The following SLC39A11 variants were observed in gnomAD, a reference collection of about 807,000 sequenced individuals.
SLC39A11 encodes the protein solute carrier family 39 member 11, also known as zinc transporter ZIP11.
Under a neutral mutation model 36.1 loss-of-function variants are expected in SLC39A11, and 33 were observed. That is an observed-to-expected ratio of 0.91 (90% CI 0.69 to 1.22). The LOEUF (loss-of-function observed/expected upper bound fraction) is 1.22. SLC39A11 is among the 50% of genes most tolerant of loss of function. The pLI is 0.00. For missense variants in SLC39A11, 432 were observed against 430.3 expected (o/e 1.00, Z -0.03); for synonymous variants, 166 against 170.3 (o/e 0.97, Z 0.20).
At chr17:72,910,346 G>A (rs1299476393) in intron 5 of SLC39A11, among the ~76,000 whole-genome samples, 4 of 152,170 alleles carry the variant, frequency 2.6e-5, no homozygotes, top group Admixed American at 1.3e-4. Flanking sequence ...AAAAGAAACC[G>A]GGTGCGGTGG....
rs143394711 is a variant in SLC39A11 at position 72,713,506 on chromosome 17, T to C, written c.671+23144A>G. ...ATTAGTGACTGCCAGGTCAACAGAG[T>C]GAAACCCGAAGGGTTCTCATACATT... On this transcript the variant is annotated intron_variant, in intron 7 of 9. Coordinates refer to ENST00000255559, the MANE Select transcript of SLC39A11 (RefSeq NM_139177.4). Among the ~76,000 whole-genome samples the C allele has an allele frequency of 4.9e-3, 749 of 152,256 alleles. 6 individuals carry two copies. Among genetic ancestry groups the C allele is most frequent in the African/African-American group, 0.017 (705 of 41,560 alleles).
chr17:72,803,110 G>C (rs997157147), intron 6 of SLC39A11, among the ~76,000 whole-genome samples: 1 of 152,236 alleles, frequency 6.6e-6, no homozygotes, highest in South Asian at 2.1e-4. Context: ...CCAAATAGAA[G>C]ATTAAATCTC....
chr17:73,077,253 T>G (rs1345130187), intron 3 of SLC39A11, among the ~76,000 whole-genome samples: 3 of 152,202 alleles, frequency 2.0e-5, no homozygotes, highest in Admixed American at 1.3e-4. Context: ...GTTCTGACAT[T>G]CCCTATGCAT....
chr17:72,748,762 T>G (rs10775361), intron 6 of SLC39A11, among the ~76,000 whole-genome samples: 147,437 of 152,332 alleles, frequency 0.97, 71,713 homozygotes, highest in African/African-American at 0.99. Context: ...ATACTGGCAT[T>G]GAAGATTCCG....
chr17:72,994,380 T>C (rs2089372411), intron 4 of SLC39A11, among the ~76,000 whole-genome samples: 1 of 152,122 alleles, frequency 6.6e-6, no homozygotes, highest in Non-Finnish European at 1.5e-5. Context: ...TCATGTTGTT[T>C]AGGGATGTAC....
chr17:72,906,837 G>A (rs2082679068), intron 5 of SLC39A11, among the ~76,000 whole-genome samples: 1 of 152,176 alleles, frequency 6.6e-6, no homozygotes, highest in African/African-American at 2.4e-5. Flanking sequence ...ACACTCACCT[G>A]GAAACCTGCC....
chr17:72,977,994 C>T (rs1230972850), intron 4 of SLC39A11, among the ~76,000 whole-genome samples: 1 of 152,188 alleles, frequency 6.6e-6, no homozygotes, highest in Non-Finnish European at 1.5e-5. Context: ...CAGAGAAAAA[C>T]CAGCAAAATG....
intron 5 of SLC39A11, among the ~76,000 whole-genome samples, chr17:72,894,498 CTA>C (rs2081932000): frequency 1.0e-5 from 1 of 98,362 alleles, no homozygotes; most frequent in African/African-American, 4.3e-5. Context: ...CTCATCCCTA[CTA>C]AAAAAAAAAA....
intron 6 of SLC39A11, among the ~76,000 whole-genome samples, chr17:72,829,770 C>T (rs1185225900): frequency 6.6e-6 from 1 of 152,134 alleles, no homozygotes; most frequent in Non-Finnish European, 1.5e-5. Context: ...CACACCCCTA[C>T]CCAGTTAATG....
intron 7 of SLC39A11, among the ~76,000 whole-genome samples, chr17:72,708,014 TG>T: frequency 6.6e-6 from 1 of 152,348 alleles, no homozygotes; most frequent in East Asian, 1.9e-4. Context: ...TCAATCTGCT[TG>T]CCAAGTCCAT....
intron 6 of SLC39A11, among the ~76,000 whole-genome samples, chr17:72,804,096 C>G (rs375173125): frequency 1.9e-4 from 29 of 152,056 alleles, no homozygotes. Flanking sequence ...CCTGGGTTCA[C>G]GCCATTCTCC....
intron 6 of SLC39A11, among the ~76,000 whole-genome samples, chr17:72,769,093 G>A (rs897109205): frequency 1.3e-4 from 20 of 152,186 alleles, no homozygotes; most frequent in Non-Finnish European, 2.6e-4. Flanking sequence ...TTTAACAAAC[G>A]ACTTCCCCCA....
At chr17:72,931,961 C>T (rs1035967947) in intron 5 of SLC39A11, among the ~76,000 whole-genome samples, 3 of 152,180 alleles carry the variant, frequency 2.0e-5, no homozygotes, top group African/African-American at 7.2e-5. Context: ...CCTGCTCTCA[C>T]CACAGACATG....
At chr17:72,895,580 C>CAA (rs112611912) in intron 5 of SLC39A11, among the ~76,000 whole-genome samples, 2 of 124,562 alleles carry the variant, frequency 1.6e-5, no homozygotes, top group African/African-American at 3.0e-5. Context: ...AACTCTGTCT[C>CAA]AAAAAAAAAA....
At chr17:73,073,354 C>T (rs969866046) in intron 3 of SLC39A11, among the ~76,000 whole-genome samples, 1 of 152,148 alleles carries the variant, frequency 6.6e-6, no homozygotes, top group East Asian at 1.9e-4. Context: ...GGCAACCACG[C>T]TGTGAATAAT....
At chr17:72,730,019 ACT>A (rs994179072) in intron 7 of SLC39A11, among the ~76,000 whole-genome samples, 3 of 151,020 alleles carry the variant, frequency 2.0e-5, no homozygotes, top group Non-Finnish European at 3.0e-5. Context: ...ATGTATTCTG[ACT>A]CTCTCTGTGG....
chr17:72,979,864 C>G (rs1437086506), intron 4 of SLC39A11, among the ~76,000 whole-genome samples: 1 of 152,154 alleles, frequency 6.6e-6, no homozygotes, highest in Non-Finnish European at 1.5e-5. Context: ...CTCCCATAAC[C>G]TGCTCCCCAA....
At chr17:72,909,261 C>T (rs1276855563) in intron 5 of SLC39A11, among the ~76,000 whole-genome samples, 1 of 152,192 alleles carries the variant, frequency 6.6e-6, no homozygotes, top group African/African-American at 2.4e-5. Flanking sequence ...TCAGCCATTG[C>T]ATCCCACCCA....
chr17:72,696,271 T>G (rs1459041630), intron 7 of SLC39A11, among the ~76,000 whole-genome samples: 1 of 152,046 alleles, frequency 6.6e-6, no homozygotes, highest in Non-Finnish European at 1.5e-5. Context: ...ACCTGGCTCC[T>G]TACCCCGGCC....
Sources: allele counts gnomAD v4.1 joint callset (sites outside exome capture counted in the v4.1 genomes callset), GRCh38; gene constraint gnomAD v4.1.1; transcripts MANE v1.5; gene names NCBI Gene and HGNC (gene_info 2026-07-23, HGNC 2026-07-21).